The following MTCH2 variants were observed in gnomAD, a reference collection of about 807,000 sequenced individuals.
MTCH2 encodes mitochondrial carrier 2.
MTCH2 carries 25 observed loss-of-function variants against 50.6 expected under a neutral mutation model. That is an observed-to-expected ratio of 0.49 (90% confidence interval 0.36 to 0.69). MTCH2 has a LOEUF of 0.69. Among genes scored for constraint, MTCH2 ranks in the 30% least tolerant of loss-of-function variants. The pLI is 0.00. For missense variants in MTCH2, 273 were observed against 384.4 expected (o/e 0.71, Z 2.42); for synonymous variants, 106 against 132.0 (o/e 0.80, Z 1.35).
At chr11:47,625,549 T>C (rs2097297300) in intron 11 of MTCH2, 125 bp downstream of exon 11, 1 of 737,746 alleles carries the variant, frequency 1.4e-6, no homozygotes, top group African/African-American at 1.8e-5. Context: ...CCTCCCCCCC[T>C]TTTTAAAAAA....
chr11:47,620,430 A>G (rs2097292284), intron 12 of MTCH2, among the ~76,000 whole-genome samples: 1 of 152,096 alleles, frequency 6.6e-6, no homozygotes, highest in Non-Finnish European at 1.5e-5. Flanking sequence ...GCAGTGAGCC[A>G]ATACCATGCC....
At chr11:47,629,877 G>A (rs1019838498) in intron 8 of MTCH2, among the ~76,000 whole-genome samples, 6 of 151,576 alleles carry the variant, frequency 4.0e-5, no homozygotes, top group South Asian at 2.1e-4. Context: ...ACTCTTTTAC[G>A]GTAAGGAAAA....
the MTCH2 span, among the ~76,000 whole-genome samples, chr11:47,606,398 G>T: frequency 6.6e-6 from 1 of 152,142 alleles, no homozygotes; most frequent in Non-Finnish European, 1.5e-5. Context: ...TTTATTGTCT[G>T]CACCTTTTCC....
chr11:47,622,689 A>C lies in MTCH2; in HGVS notation c.825+12T>G, dbSNP rs1445510893. 3 of 1,390,096 alleles carry C rather than the reference A, an allele frequency of 2.2e-6. No homozygotes were observed. In the Admixed American group the frequency reaches 8.5e-5, roughly 39 times the overall value. 86.1% of individuals were successfully genotyped at this position (1,390,096 alleles called of 1,614,324 possible). On this transcript the variant is annotated intron_variant, in intron 12 of 12. Coordinates refer to ENST00000302503, the MANE Select transcript of MTCH2 (RefSeq NM_014342.4). Reference sequence around the variant, plus strand: ...ACAAAATAAAATGAGAGAGACAGAGAAAAAGAAATACCTCTTTTTGTAGCA... The same window carrying C: ...ACAAAATAAAATGAGAGAGACAGAGCAAAAGAAATACCTCTTTTTGTAGCA...
intron 6 of MTCH2, among the ~76,000 whole-genome samples, chr11:47,631,370 T>C (rs1023073416): frequency 3.3e-5 from 5 of 151,912 alleles, no homozygotes; most frequent in South Asian, 2.1e-4. Flanking sequence ...GATTGTGCCA[T>C]TGCACTCCAG....
rs1004816342 is a variant in MTCH2 at position 47,629,195 on chromosome 11, T to C, written c.540-149A>G. On this transcript the variant is annotated intron_variant, in intron 8 of 12. Transcript: ENST00000302503. Reference sequence around the variant, plus strand: ...ATCAAACACCAGAATCCAGCCCGCATACCTAGTTCATTCTCGTTAACACAG... The same window carrying C: ...ATCAAACACCAGAATCCAGCCCGCACACCTAGTTCATTCTCGTTAACACAG... 18 of 631,640 alleles carry C rather than the reference T, an allele frequency of 2.8e-5. No individual in the cohort carries two copies. In the African/African-American group the frequency reaches 3.1e-4, roughly 11 times the overall value. 39.1% of individuals were successfully genotyped at this position (631,640 alleles called of 1,614,324 possible). A position where few individuals can be genotyped will look rare whatever the true frequency, so the allele number is the denominator to read the frequency against.
chr11:47,625,647 C>G (rs2097297397), intron 11 of MTCH2, 27 bp downstream of exon 11: 1 of 1,228,898 alleles, frequency 8.1e-7, no homozygotes. Context: ...CAACCACCTA[C>G]TAGAATAAGA....
chr11:47,630,237 C>A (rs890575148), intron 8 of MTCH2, among the ~76,000 whole-genome samples: 6 of 152,098 alleles, frequency 3.9e-5, no homozygotes, highest in African/African-American at 1.4e-4. Context: ...GAACTCCTGA[C>A]CTCAGGTGAT....
At chr11:47,607,938 T>G in the MTCH2 span, among the ~76,000 whole-genome samples, 1 of 152,218 alleles carries the variant, frequency 6.6e-6, no homozygotes, top group African/African-American at 2.4e-5. Context: ...CTCATTAAGA[T>G]TCATACTTCA....
intron 3 of MTCH2, among the ~76,000 whole-genome samples, chr11:47,636,794 G>A (rs992783220): frequency 2.0e-5 from 3 of 152,064 alleles, no homozygotes; most frequent in Non-Finnish European, 2.9e-5. Flanking sequence ...ACTCACGCCT[G>A]TAATCCCAAC....
At chr11:47,636,965 T>TG (rs1298019413) in intron 3 of MTCH2, among the ~76,000 whole-genome samples, 2 of 150,552 alleles carry the variant, frequency 1.3e-5, no homozygotes, top group Non-Finnish European at 3.0e-5. Flanking sequence ...AACTCTGTTT[T>TG]TTTTTTTTTT....
intron 5 of MTCH2, among the ~76,000 whole-genome samples, chr11:47,632,208 C>T (rs534282819): frequency 6.6e-6 from 1 of 152,064 alleles, no homozygotes; most frequent in Non-Finnish European, 1.5e-5. Context: ...AACCCAGTAA[C>T]TGTGCAGTAT....
chr11:47,611,372 C>G, the MTCH2 span, among the ~76,000 whole-genome samples: 1 of 152,266 alleles, frequency 6.6e-6, no homozygotes, highest in African/African-American at 2.4e-5. Context: ...AGGACACTCT[C>G]ACCAGTCTGA....
At chr11:47,605,462 C>T in the MTCH2 span, among the ~76,000 whole-genome samples, 2 of 152,030 alleles carry the variant, frequency 1.3e-5, no homozygotes, top group African/African-American at 2.4e-5. Flanking sequence ...TCCACTTACT[C>T]TTTTAAATTT....
In MTCH2 at chr11:47,618,782, A is replaced by G. The variant is rs1297472091; in HGVS notation, c.*51T>C. 1 of 1,524,722 alleles carries G rather than the reference A, an allele frequency of 6.6e-7. No individual in the cohort carries two copies. The highest frequency in any genetic ancestry group is 1.1e-5 in the South Asian group (1 of 89,392). 94.4% of individuals were successfully genotyped at this position (1,524,722 alleles called of 1,614,324 possible). A position where few individuals can be genotyped will look rare whatever the true frequency, so the allele number is the denominator to read the frequency against. On this transcript the variant is annotated 3_prime_UTR_variant, in exon 13 of 13. Coordinates refer to ENST00000302503, the MANE Select transcript of MTCH2 (RefSeq NM_014342.4). ...TATAGAAATCAACATTCTCTCCCAT[A>G]ATTCTGTGCATCTGGGACTACAGAA... is the stretch of plus-strand genomic sequence containing the variant.
In MTCH2 at chr11:47,642,483, G is replaced by C; in HGVS notation, c.-18C>G. ...TCCGCCATGATGGCACCCGCGGGCG[G>C]ACGGACAGACAGACGGAGCCACCAA... is the stretch of plus-strand genomic sequence containing the variant. On this transcript the variant is annotated 5_prime_UTR_variant, in exon 1 of 13. Coordinates refer to ENST00000302503, the MANE Select transcript of MTCH2 (RefSeq NM_014342.4). The C allele has an allele frequency of 6.8e-7, 1 of 1,464,596 alleles. No individual in the cohort carries two copies. Among genetic ancestry groups the C allele is most frequent in the South Asian group, 1.3e-5 (1 of 78,950 alleles). The allele number at this position is 1,464,596 out of a possible 1,614,324, so 90.7% of individuals were successfully genotyped here.
chr11:47,614,798 G>A (rs928424041), downstream of MTCH2, among the ~76,000 whole-genome samples: 8 of 152,186 alleles, frequency 5.3e-5, no homozygotes, highest in South Asian at 2.1e-4. Flanking sequence ...GGCTGGTCTC[G>A]AACTCCTGGC....
intron 3 of MTCH2, among the ~76,000 whole-genome samples, chr11:47,636,889 A>G (rs1464739481): frequency 6.6e-6 from 1 of 152,158 alleles, no homozygotes; most frequent in Non-Finnish European, 1.5e-5. Flanking sequence ...TTGTCTCTAA[A>G]AAAATAATAA....
chr11:47,622,923 G>A (rs2097294620), intron 11 of MTCH2, 147 bp from the exon 12 acceptor site: 3 of 517,900 alleles, frequency 5.8e-6, no homozygotes, highest in South Asian at 3.9e-5. Flanking sequence ...TTGAAGCAGG[G>A]GAACGATCAA....
Sources: gnomAD v4.1 joint callset for allele counts (sites outside exome capture counted in the v4.1 genomes callset) on GRCh38, gnomAD v4.1.1 for gene constraint, MANE v1.5 for transcripts, NCBI Gene and HGNC (gene_info 2026-07-23, HGNC 2026-07-21) for gene names.